TRIM33: variants seen among roughly 807,000 people sequenced by gnomAD.
TRIM33 encodes the protein tripartite motif containing 33.
A neutral mutation model predicts 125.4 loss-of-function variants in TRIM33; 20 were observed. The ratio of observed to expected loss-of-function variants is 0.16; its 90% CI spans 0.11 to 0.23. The LOEUF (loss-of-function observed/expected upper bound fraction) is 0.23. Among genes scored for constraint, TRIM33 ranks in the 10% least tolerant of loss-of-function variants. The pLI is 1.00. For missense variants in TRIM33, 920 were observed against 1,411.4 expected (o/e 0.65, Z 5.58); for synonymous variants, 564 against 513.9 (o/e 1.10, Z -1.32).
intron 4 of TRIM33, among the ~76,000 whole-genome samples, 153 bp from the exon 5 acceptor site, chr1:114,433,886 C>T (rs1192540941): frequency 2.0e-5 from 3 of 152,158 alleles, no homozygotes; most frequent in Non-Finnish European, 4.4e-5. Flanking sequence ...CAACTTTTAA[C>T]TGGCAATCAC....
In TRIM33 at chr1:114,396,315, A is replaced by T. The variant is rs1191651907; in HGVS notation, c.*1333T>A. ...GTGGTAAAGGTGGGTTTACTCCAGT[A>T]ACCATTCAAGTGGGGATTGGCTCAT... On this transcript the variant is annotated 3_prime_UTR_variant, in exon 20 of 20. Transcript: ENST00000358465. 2 of 205,902 alleles carry T rather than the reference A, an allele frequency of 9.7e-6. No homozygotes were observed. Among genetic ancestry groups the T allele is most frequent in the African/African-American group, 4.6e-5 (2 of 43,798 alleles). The allele number at this position is 205,902 out of a possible 1,614,324, so 12.8% of individuals were successfully genotyped here.
intron 1 of TRIM33, among the ~76,000 whole-genome samples, chr1:114,481,673 GTGTA>G (rs1557892266): frequency 7.1e-6 from 1 of 140,420 alleles, no homozygotes; most frequent in Non-Finnish European, 1.5e-5. Flanking sequence ...ATATATATGT[GTGTA>G]TATATATATA....
chr1:114,405,617 A>G lies in TRIM33; in HGVS notation c.2561T>C (p.Leu854Pro). 6.2e-7 allele frequency: 1 copy of G among 1,614,176 alleles called. No homozygotes were observed. The highest frequency in any genetic ancestry group is 8.5e-7 in the Non-Finnish European group (1 of 1,180,030). The change falls in exon 15 of 20, where the codon CTC (leucine) becomes CCC (proline). Residue 854 changes from leucine (L) to proline (P), a missense_variant. Coordinates refer to ENST00000358465, the MANE Select transcript of TRIM33 (RefSeq NM_015906.4). ...GGACTTTCCATTAACAAGGCTGCTG[A>G]GCCCTGACTGTTTGCAGCTTTCATT... Reference protein sequence around the residue: ...DMNESCKQSGLSSLVNGKSPI... With the variant: ...DMNESCKQSGPSSLVNGKSPI...
At chr1:114,452,652 T>C (rs544290274) in intron 4 of TRIM33, among the ~76,000 whole-genome samples, 5 of 150,066 alleles carry the variant, frequency 3.3e-5, no homozygotes, top group African/African-American at 9.9e-5. Flanking sequence ...TCCCAACAAT[T>C]TGGGAGGCCA....
At chr1:114,454,024 C>T (rs1459490875) in intron 4 of TRIM33, among the ~76,000 whole-genome samples, 1 of 152,182 alleles carries the variant, frequency 6.6e-6, no homozygotes, top group African/African-American at 2.4e-5. Flanking sequence ...AGTATAACAG[C>T]TTGCAGTGAG....
intron 1 of TRIM33, among the ~76,000 whole-genome samples, chr1:114,495,881 C>G: frequency 6.6e-6 from 1 of 152,162 alleles, no homozygotes; most frequent in East Asian, 1.9e-4. Context: ...TTACTGAAAT[C>G]AAATTTATTA....
At chr1:114,474,209 C>A (rs1570621026) in intron 1 of TRIM33, among the ~76,000 whole-genome samples, 1 of 151,984 alleles carries the variant, frequency 6.6e-6, no homozygotes, top group Admixed American at 6.6e-5. Flanking sequence ...CCCAGAAACA[C>A]ACCGTAAATC....
chr1:114,454,768 TG>T (rs1293007030), intron 4 of TRIM33, among the ~76,000 whole-genome samples: 13 of 152,136 alleles, frequency 8.5e-5, no homozygotes, highest in Non-Finnish European at 1.3e-4. Flanking sequence ...GGACAGATCT[TG>T]ACACTGGGCC....
chr1:114,427,206 G>T lies in TRIM33; in HGVS notation c.1391C>A (p.Thr464Asn). 6.3e-7 allele frequency: 1 copy of T among 1,594,442 alleles called. No individual in the cohort carries two copies. ...NGAIRFHCDP[T>N]FWAKNVVNLG... ...ATTGACTACATTCTTTGCCCAGAAGGTGGGATCACAATGGAAACGTATTGC... is the reference window on the plus strand; with the variant it reads ...ATTGACTACATTCTTTGCCCAGAAGTTGGGATCACAATGGAAACGTATTGC... Residue 464 changes from threonine to asparagine, a missense_variant, in exon 8 of 20, where the codon ACC becomes AAC. By Grantham distance (65) the Thr-to-Asn change is moderately conservative. This residue lies in a region of TRIM33 where 407 missense variants were observed against 589.7 expected (regional missense o/e 0.69). Coordinates refer to ENST00000358465, the MANE Select transcript of TRIM33 (RefSeq NM_015906.4).
At chr1:114,474,147 C>T (rs1214393278) in intron 1 of TRIM33, among the ~76,000 whole-genome samples, 2 of 152,092 alleles carry the variant, frequency 1.3e-5, no homozygotes, top group East Asian at 1.9e-4. Flanking sequence ...GCAATCCTCC[C>T]GCTTCAACCT....
In TRIM33 at chr1:114,396,737, A is replaced by G. The variant is rs546260484; in HGVS notation, c.*911T>C. ...GGTAGTTGACAGATACTGTTTGCCAATAGTGGTCTATCAGAAAACTGACAT... is the reference window on the plus strand; with the variant it reads ...GGTAGTTGACAGATACTGTTTGCCAGTAGTGGTCTATCAGAAAACTGACAT... On this transcript the variant is annotated 3_prime_UTR_variant, in exon 20 of 20. Coordinates refer to ENST00000358465, the MANE Select transcript of TRIM33 (RefSeq NM_015906.4). 4.3e-5 allele frequency: 9 copies of G among 207,418 alleles called. No individual in the cohort carries two copies. The South Asian group carries it at 1.7e-3, about 39-fold the overall frequency. 12.8% of individuals were successfully genotyped at this position (207,418 alleles called of 1,614,324 possible). A position where few individuals can be genotyped will look rare whatever the true frequency, so the allele number is the denominator to read the frequency against.
chr1:114,487,706 G>C (rs1651792474), intron 1 of TRIM33, among the ~76,000 whole-genome samples: 2 of 150,402 alleles, frequency 1.3e-5, no homozygotes, highest in South Asian at 4.2e-4. Context: ...GACCATCCTG[G>C]CTAACAAGGT....
chr1:114,464,564 G>A (rs1373554395), intron 1 of TRIM33, among the ~76,000 whole-genome samples, 176 bp from the exon 2 acceptor site: 2 of 152,088 alleles, frequency 1.3e-5, no homozygotes, highest in East Asian at 3.8e-4. Flanking sequence ...CTCTATTTAG[G>A]AAAAGAAAAA....
chr1:114,466,912 T>C (rs1650338007), intron 1 of TRIM33, among the ~76,000 whole-genome samples: 1 of 152,342 alleles, frequency 6.6e-6, no homozygotes, highest in Admixed American at 6.5e-5. Flanking sequence ...AGTTAACTCT[T>C]CAAGAAGTTT....
chr1:114,440,439 G>A (rs905841903), intron 4 of TRIM33, among the ~76,000 whole-genome samples: 17 of 151,804 alleles, frequency 1.1e-4, no homozygotes, highest in African/African-American at 4.1e-4. Context: ...AGCACCCTAA[G>A]CAAGAATCAA....
chr1:114,495,224 A>G (rs578188352), intron 1 of TRIM33, among the ~76,000 whole-genome samples: 1 of 152,086 alleles, frequency 6.6e-6, no homozygotes, highest in Non-Finnish European at 1.5e-5. Context: ...AAAATAGAGT[A>G]TTTTTTAAAT....
chr1:114,479,552 A>C (rs1651173030), intron 1 of TRIM33, among the ~76,000 whole-genome samples: 1 of 152,226 alleles, frequency 6.6e-6, no homozygotes, highest in African/African-American at 2.4e-5. Flanking sequence ...AAATAAAAAC[A>C]GCCACAGGTA....
At position 114,488,950 on chromosome 1, in the gene TRIM33, T is replaced by A. The variant is rs140234788; in HGVS notation, c.526+21601A>T. Among the ~76,000 whole-genome samples the A allele has an allele frequency of 3.0e-3, 449 of 152,124 alleles. 4 individuals are homozygous for A. The highest frequency in any genetic ancestry group is 0.01 in the African/African-American group (424 of 41,506). ...CATCTGTAGTCTCAGCTGGGGAAGG[T>A]GAGGTGGGAGGATCACCTGAGCCCA... is the stretch of plus-strand genomic sequence containing the variant. On this transcript the variant is annotated intron_variant, in intron 1 of 19. Transcript: ENST00000358465.
chr1:114,468,620 AG>A (rs1650451147), intron 1 of TRIM33: 1 of 421,680 alleles, frequency 2.4e-6, no homozygotes, highest in South Asian at 1.9e-5. Flanking sequence ...AAGGATCTTA[AG>A]ATTGAAAAAA....
Sources: allele counts gnomAD v4.1 joint callset (sites outside exome capture counted in the v4.1 genomes callset), GRCh38; gene constraint gnomAD v4.1.1; regional missense constraint gnomAD v4.1.1; transcripts MANE v1.5; gene names NCBI Gene and HGNC (gene_info 2026-07-23, HGNC 2026-07-21).